The following RFPL1 variants were observed in gnomAD, a reference collection of about 807,000 sequenced individuals.
RFPL1 encodes ret finger protein like 1, also known as ret finger protein-like 1.
In RFPL1, 6 loss-of-function variants were observed where a neutral mutation model predicts 9.6. That is an observed-to-expected ratio of 0.62 (90% CI 0.34 to 1.23). The LOEUF is 1.23. Among genes scored for constraint, RFPL1 ranks in the 50% most tolerant of loss-of-function variants. The probability of loss-of-function intolerance (pLI) is 0.03; values close to 1 mark genes in which losing one functional copy is unlikely to be tolerated. For missense variants in RFPL1, 352 were observed against 398.4 expected (o/e 0.88, Z 0.99); for synonymous variants, 145 against 149.4 (o/e 0.97, Z 0.22).
the RFPL1 span, among the ~76,000 whole-genome samples, chr22:29,406,455 A>C: frequency 2.0e-5 from 3 of 152,130 alleles, no homozygotes; most frequent in Non-Finnish European, 4.4e-5. Flanking sequence ...ACTGAGGCAC[A>C]GAGGGGTTCA....
At chr22:29,411,003 C>T in the RFPL1 span, among the ~76,000 whole-genome samples, 853 of 152,262 alleles carry the variant, frequency 5.6e-3, 2 homozygotes, top group Non-Finnish European at 8.8e-3. Context: ...GAAGAACACC[C>T]GCCCCATCCT....
At chr22:29,390,572 C>T in the RFPL1 span, among the ~76,000 whole-genome samples, 2 of 137,624 alleles carry the variant, frequency 1.5e-5, no homozygotes, top group Non-Finnish European at 3.0e-5. Context: ...AATTACAAAC[C>T]TTATTCCATT....
chr22:29,393,433 A>T, the RFPL1 span, among the ~76,000 whole-genome samples: 1 of 152,228 alleles, frequency 6.6e-6, no homozygotes, highest in Non-Finnish European at 1.5e-5. Flanking sequence ...GGATAATTAC[A>T]GCTTGCAGAG....
chr22:29,401,162 T>C, the RFPL1 span, among the ~76,000 whole-genome samples: 1 of 152,252 alleles, frequency 6.6e-6, no homozygotes, highest in Non-Finnish European at 1.5e-5. Context: ...GTTATGACAA[T>C]AGAATTTAAA....
chr22:29,403,089 T>C, the RFPL1 span, among the ~76,000 whole-genome samples: 1 of 151,846 alleles, frequency 6.6e-6, no homozygotes, highest in East Asian at 1.9e-4. Context: ...CGACTGTTTT[T>C]TGCCTCTTGG....
the RFPL1 span, among the ~76,000 whole-genome samples, chr22:29,419,632 G>A: frequency 6.6e-6 from 1 of 151,706 alleles, no homozygotes; most frequent in South Asian, 2.1e-4. Flanking sequence ...GTGAAACCTC[G>A]TTTCTAATAA....
chr22:29,419,353 C>T, the RFPL1 span: 6,320 of 709,608 alleles, frequency 8.9e-3, 52 homozygotes, highest in Non-Finnish European at 0.013. Context: ...GAGGGAGGCA[C>T]GTAAGACATC....
the RFPL1 span, among the ~76,000 whole-genome samples, chr22:29,392,239 C>T: frequency 2.6e-5 from 4 of 151,836 alleles, no homozygotes; most frequent in Non-Finnish European, 4.4e-5. Flanking sequence ...ACCACCAAAC[C>T]CAGCTAATTT....
the RFPL1 span, among the ~76,000 whole-genome samples, chr22:29,407,079 TTGTGTGTGTG>T: frequency 0.21 from 30,582 of 145,622 alleles, 3,560 homozygotes; most frequent in East Asian, 0.45. Flanking sequence ...AGTTGTTCTT[TTGTGTGTGTG>T]TGTGTGTGTG....
chr22:29,418,911 C>T, the RFPL1 span, among the ~76,000 whole-genome samples: 78 of 152,330 alleles, frequency 5.1e-4, no homozygotes, highest in East Asian at 9.6e-4. Flanking sequence ...CCCACTCCAT[C>T]ACCTGCTGCC....
chr22:29,436,895 A>T (rs1366848896), upstream of RFPL1: 1 of 152,224 alleles, frequency 6.6e-6, no homozygotes, highest in Non-Finnish European at 1.5e-5. Context: ...AGGGAAAATG[A>T]TAAGATTATA....
the RFPL1 span, among the ~76,000 whole-genome samples, chr22:29,424,824 G>GGCC: frequency 1.1e-5 from 1 of 90,168 alleles, no homozygotes; most frequent in African/African-American, 4.6e-5. Context: ...CTGTCTCCCT[G>GGCC]TCCCTCCCAC....
chr22:29,430,142 T>C, the RFPL1 span, among the ~76,000 whole-genome samples: 13 of 140,404 alleles, frequency 9.3e-5, no homozygotes, highest in African/African-American at 2.5e-4. Flanking sequence ...ATTATTTTAA[T>C]TGGCAAAATG....
chr22:29,411,331 T>C, the RFPL1 span, among the ~76,000 whole-genome samples: 172 of 152,216 alleles, frequency 1.1e-3, no homozygotes, highest in Non-Finnish European at 2.1e-3. Flanking sequence ...GTCACTCAGC[T>C]GCTGAGAGCC....
chr22:29,441,264 A>G, intron 1 of RFPL1: 1 of 456,980 alleles, frequency 2.2e-6, no homozygotes. Context: ...GTCTGCCTTC[A>G]GAGACCCTCC....
chr22:29,417,006 T>G, the RFPL1 span, among the ~76,000 whole-genome samples: 3 of 152,134 alleles, frequency 2.0e-5, no homozygotes, highest in Non-Finnish European at 4.4e-5. Context: ...TCTTATGTAT[T>G]TACAGTCAAG....
the RFPL1 span, among the ~76,000 whole-genome samples, chr22:29,389,155 C>G: frequency 1.3e-5 from 2 of 152,102 alleles, no homozygotes; most frequent in Non-Finnish European, 2.9e-5. Context: ...TCCCAAAGTG[C>G]TGGGATTACA....
the RFPL1 span, among the ~76,000 whole-genome samples, chr22:29,426,443 G>A: frequency 1.4e-4 from 21 of 152,104 alleles, no homozygotes; most frequent in African/African-American, 5.1e-4. Context: ...ATTTGTTTCA[G>A]ACAACCGTAT....
the RFPL1 span, among the ~76,000 whole-genome samples, chr22:29,395,268 A>G: frequency 2.0e-5 from 3 of 152,028 alleles, no homozygotes. Context: ...TGTGATTACT[A>G]TTCCTCTACT....
Sources: allele counts gnomAD v4.1 joint callset (sites outside exome capture counted in the v4.1 genomes callset), GRCh38; gene constraint gnomAD v4.1.1; transcripts MANE v1.5; gene names NCBI Gene and HGNC (gene_info 2026-07-23, HGNC 2026-07-21).